PEAK1: variants seen among roughly 807,000 people sequenced by gnomAD.
PEAK1 encodes the protein pseudopodium enriched atypical kinase 1, also known as inactive tyrosine-protein kinase PEAK1.
Under a neutral mutation model 124.7 loss-of-function variants are expected in PEAK1, and 54 were observed. The observed-to-expected ratio is 0.43, with a 90% CI of 0.35 to 0.54. PEAK1 has a LOEUF of 0.54. Among genes scored for constraint, PEAK1 ranks in the 20% least tolerant of loss-of-function variants. The pLI, the probability that PEAK1 is intolerant of heterozygous loss-of-function variation, is 0.01. For synonymous variants in PEAK1, 719 were observed against 760.0 expected, an observed-to-expected ratio of 0.95 and a Z score of 0.89; for missense variants, 2,046 against 2,134.5, an observed-to-expected ratio of 0.96 and a Z score of 0.82.
At chr15:77,124,927 C>A (rs988332313) in intron 9 of PEAK1, among the ~76,000 whole-genome samples, 1 of 152,214 alleles carries the variant, frequency 6.6e-6, no homozygotes, top group Non-Finnish European at 1.5e-5. Context: ...TAACTTATTT[C>A]ATTCATTAAT....
chr15:77,158,371 A>C (rs1305701158), intron 8 of PEAK1, 132 bp downstream of exon 8: 2 of 827,822 alleles, frequency 2.4e-6, no homozygotes, highest in Non-Finnish European at 3.8e-6. Flanking sequence ...ATGTGACTTA[A>C]AATTTGTAAC....
At chr15:77,330,976 T>C in intron 2 of PEAK1, 3 of 889,930 alleles carry the variant, frequency 3.4e-6, no homozygotes, top group Non-Finnish European at 2.7e-6. Flanking sequence ...TGTGAGTGAA[T>C]GGCTGAGTAA....
intron 1 of PEAK1, among the ~76,000 whole-genome samples, chr15:77,398,092 A>C (rs1473912702): frequency 1.3e-5 from 2 of 152,128 alleles, no homozygotes; most frequent in African/African-American, 4.8e-5. Flanking sequence ...TAAAATAAAT[A>C]ATGAGATCAA....
At chr15:77,385,861 C>T (rs1168794731) in intron 1 of PEAK1, among the ~76,000 whole-genome samples, 1 of 152,138 alleles carries the variant, frequency 6.6e-6, no homozygotes, top group Non-Finnish European at 1.5e-5. Flanking sequence ...TTCCAAAGGA[C>T]CATGCTTAGG....
intron 2 of PEAK1, among the ~76,000 whole-genome samples, chr15:77,293,264 T>C (rs2063317321): frequency 6.6e-6 from 1 of 152,230 alleles, no homozygotes; most frequent in African/African-American, 2.4e-5. Context: ...ACTGCCACTG[T>C]TCTCTTTTAA....
At chr15:77,184,355 C>CAT (rs71143396) in intron 6 of PEAK1, among the ~76,000 whole-genome samples, 12,808 of 152,106 alleles carry the variant, frequency 0.084, 614 homozygotes, top group Non-Finnish European at 0.1. Flanking sequence ...AATTGAAACT[C>CAT]ATATATTGCT....
intron 1 of PEAK1, chr15:77,417,356 A>G (rs1422844603): frequency 3.0e-6 from 3 of 983,630 alleles, no homozygotes; most frequent in African/African-American, 1.8e-5. Context: ...TAGGATTTCT[A>G]CTTCACTAAG....
chr15:77,220,516 A>C (rs1252082984), intron 6 of PEAK1, among the ~76,000 whole-genome samples: 1 of 147,482 alleles, frequency 6.8e-6, no homozygotes, highest in African/African-American at 2.6e-5. Flanking sequence ...TACAAGCTAA[A>C]ATTCAAAAAA....
At chr15:77,150,348 GCTTT>G (rs1288203478) in intron 8 of PEAK1, among the ~76,000 whole-genome samples, 2 of 152,024 alleles carry the variant, frequency 1.3e-5, no homozygotes, top group Non-Finnish European at 2.9e-5. Flanking sequence ...ACTCTGCCTC[GCTTT>G]CTTTATCTGA....
At chr15:77,387,833 G>A (rs1275545655) in intron 1 of PEAK1, among the ~76,000 whole-genome samples, 3 of 152,154 alleles carry the variant, frequency 2.0e-5, no homozygotes, top group Admixed American at 6.5e-5. Context: ...ACCAGACTTG[G>A]TTAGATATAA....
intron 2 of PEAK1, among the ~76,000 whole-genome samples, chr15:77,363,784 T>C (rs775906312): frequency 6.6e-6 from 1 of 152,090 alleles, no homozygotes. Flanking sequence ...ATGAAAGAAA[T>C]TAGTCACAGA....
chr15:77,417,271 C>CGT, intron 1 of PEAK1: 1 of 845,432 alleles, frequency 1.2e-6, no homozygotes, highest in Non-Finnish European at 1.4e-6. Flanking sequence ...TACCTACCAC[C>CGT]ATGCCTGGCA....
intron 6 of PEAK1, among the ~76,000 whole-genome samples, chr15:77,183,529 C>T (rs1010859916): frequency 6.6e-6 from 1 of 151,994 alleles, no homozygotes; most frequent in Non-Finnish European, 1.5e-5. Context: ...ACTTTGAACC[C>T]CCATCAAGCA....
chr15:77,169,274 G>A (rs1359378414), intron 7 of PEAK1, among the ~76,000 whole-genome samples: 2 of 152,168 alleles, frequency 1.3e-5, no homozygotes, highest in Non-Finnish European at 2.9e-5. Flanking sequence ...TGTCAACCAA[G>A]TATGAAAACA....
At chr15:77,417,267 C>A (rs1246219148) in intron 1 of PEAK1, 2 of 822,778 alleles carry the variant, frequency 2.4e-6, no homozygotes, top group Middle Eastern at 6.0e-4. Flanking sequence ...GTCCTACCTA[C>A]CACCATGCCT....
intron 2 of PEAK1, among the ~76,000 whole-genome samples, chr15:77,343,647 G>A (rs917646678): frequency 3.3e-5 from 5 of 151,776 alleles, no homozygotes; most frequent in Non-Finnish European, 5.9e-5. Flanking sequence ...CACCATGCCC[G>A]GCTAATTTTT....
At chr15:77,304,596 C>CG (rs2063979269) in intron 2 of PEAK1, among the ~76,000 whole-genome samples, 2 of 151,950 alleles carry the variant, frequency 1.3e-5, no homozygotes, top group Non-Finnish European at 2.9e-5. Flanking sequence ...TACAGGTGCC[C>CG]GCCACCACGT....
intron 2 of PEAK1, among the ~76,000 whole-genome samples, chr15:77,344,348 C>T (rs1283106002): frequency 1.3e-5 from 2 of 152,186 alleles, no homozygotes; most frequent in Non-Finnish European, 2.9e-5. Context: ...CCTGCCCTGG[C>T]CTCCCAAAGT....
intron 1 of PEAK1, chr15:77,417,488 T>C: frequency 1.0e-6 from 1 of 982,292 alleles, no homozygotes; most frequent in Non-Finnish European, 1.2e-6. Flanking sequence ...GAGGTAGGAA[T>C]CACAGTAAAG....
Sources: allele counts gnomAD v4.1 joint callset (sites outside exome capture counted in the v4.1 genomes callset), GRCh38; gene constraint gnomAD v4.1.1; transcripts MANE v1.5; gene names NCBI Gene and HGNC (gene_info 2026-07-23, HGNC 2026-07-21).